The following CAVIN1 variants were observed in gnomAD, a reference collection of about 807,000 sequenced individuals.
CAVIN1 encodes the protein caveolae-associated protein 1.
CAVIN1 carries 16 observed loss-of-function variants against 24.0 expected under a neutral mutation model. The ratio of observed to expected loss-of-function variants is 0.67; its 90% CI spans 0.45 to 1.01. CAVIN1 has a LOEUF of 1.01. CAVIN1 is among the 50% of genes least tolerant of loss of function. CAVIN1 has a pLI of 0.00. For synonymous variants in CAVIN1, 256 were observed against 256.4 expected, an observed-to-expected ratio of 1.00 and a Z score of 0.02; for missense variants, 510 against 551.7, an observed-to-expected ratio of 0.92 and a Z score of 0.76.
rs1264516505 is a variant in CAVIN1, at chr17:42,402,896, C to CTCGTGTCTTGAGAACCTGG, written c.*1772_*1790dup. On this transcript the variant is annotated 3_prime_UTR_variant, in exon 2 of 2. Transcript: ENST00000357037. ...CCTTTAATGGGGAGGAACAAGGGGA[C>CTCGTGTCTTGAGAACCTGG]TCGTGTCTTGAGAACCTGGTCGTGT... 1 of 152,142 alleles carries CTCGTGTCTTGAGAACCTGG rather than the reference C, an allele frequency of 6.6e-6. No homozygotes were observed. Among genetic ancestry groups the CTCGTGTCTTGAGAACCTGG allele is most frequent in the Non-Finnish European group, 1.5e-5 (1 of 68,074 alleles). 9.4% of individuals were successfully genotyped at this position (152,142 alleles called of 1,614,324 possible). A position where few individuals can be genotyped will look rare whatever the true frequency, so the allele number is the denominator to read the frequency against.
At chr17:42,409,486 C>T (rs1454283182) in intron 1 of CAVIN1, among the ~76,000 whole-genome samples, 3 of 152,086 alleles carry the variant, frequency 2.0e-5, no homozygotes, top group Non-Finnish European at 4.4e-5. Context: ...GTAGGCTTCC[C>T]CTGGAGTGAC....
At chr17:42,413,121 T>C (rs1200945405) in intron 1 of CAVIN1, among the ~76,000 whole-genome samples, 2 of 147,078 alleles carry the variant, frequency 1.4e-5, no homozygotes, top group South Asian at 2.2e-4. Context: ...TTAGCAGAGA[T>C]AGGGTTTCAC....
intron 1 of CAVIN1, among the ~76,000 whole-genome samples, chr17:42,417,423 C>A (rs556632451): frequency 6.0e-4 from 87 of 145,786 alleles, no homozygotes; most frequent in African/African-American, 2.0e-3. Flanking sequence ...TGTGCCACTG[C>A]ACTCTAGCCT....
chr17:42,412,554 C>T (rs368486739), intron 1 of CAVIN1, among the ~76,000 whole-genome samples: 207 of 86,644 alleles, frequency 2.4e-3, no homozygotes, highest in African/African-American at 7.2e-3. Flanking sequence ...CCATCAAACC[C>T]GGCTAATTTT....
intron 1 of CAVIN1, among the ~76,000 whole-genome samples, chr17:42,420,340 C>T (rs1173200354): frequency 6.6e-6 from 1 of 152,234 alleles, no homozygotes; most frequent in Non-Finnish European, 1.5e-5. Flanking sequence ...CTGCAGACCT[C>T]TGGGAGGAGC....
At chr17:42,408,025 T>C (rs1211323409) in intron 1 of CAVIN1, among the ~76,000 whole-genome samples, 1 of 151,772 alleles carries the variant, frequency 6.6e-6, no homozygotes, top group African/African-American at 2.4e-5. Flanking sequence ...CCAGTATATA[T>C]ATATATTAAA....
Position 42,404,268 on chromosome 17 carries a change from T to G in CAVIN1, c.*419A>C. The G allele has an allele frequency of 6.3e-6, 1 of 158,916 alleles. No homozygotes were observed. Among genetic ancestry groups the G allele is most frequent in the African/African-American group, 2.4e-5 (1 of 41,800 alleles). The allele number at this position is 158,916 out of a possible 1,614,324, so 9.8% of individuals were successfully genotyped here. A position where few individuals can be genotyped will look rare whatever the true frequency, so the allele number is the denominator to read the frequency against. ...GATTCAATCTTTCCTCTTTGGGCAG[T>G]TTTGGCTTTGAGTCCCCCAGGGATC... On this transcript the variant is annotated 3_prime_UTR_variant, in exon 2 of 2. Transcript: ENST00000357037.
At chr17:42,409,169 C>T (rs2085462188) in intron 1 of CAVIN1, among the ~76,000 whole-genome samples, 1 of 151,800 alleles carries the variant, frequency 6.6e-6, no homozygotes, top group African/African-American at 2.4e-5. Context: ...GGCATGATTA[C>T]AGGTCACTAC....
At chr17:42,416,872 C>T (rs1405074212) in intron 1 of CAVIN1, among the ~76,000 whole-genome samples, 1 of 152,084 alleles carries the variant, frequency 6.6e-6, no homozygotes, top group African/African-American at 2.4e-5. Flanking sequence ...TGCGTTGAAT[C>T]CAGGAAAGAG....
At chr17:42,414,505 C>A (rs918737292) in intron 1 of CAVIN1, among the ~76,000 whole-genome samples, 2 of 151,948 alleles carry the variant, frequency 1.3e-5, no homozygotes, top group Non-Finnish European at 2.9e-5. Context: ...TATTGAGTAG[C>A]TGGGACTACA....
rs1445042407 is a variant in CAVIN1, at chr17:42,404,825, G to A, written c.1035C>T (p.Gly345=). The change falls in exon 2 of 2, where the codon GGC becomes GGT. Residue 345 remains glycine (G), a synonymous_variant. Coordinates refer to ENST00000357037, the MANE Select transcript of CAVIN1 (RefSeq NM_012232.6). The part of the protein sequence containing the change: ...VLKATEMVEV[G]ADDDEGGAER... Reference sequence around the variant, plus strand: ...CCGCGCCGCCCTCGTCGTCGTCGGCGCCCACCTCCACCATCTCGGTGGCCT... The same window carrying A: ...CCGCGCCGCCCTCGTCGTCGTCGGCACCCACCTCCACCATCTCGGTGGCCT... 1.2e-6 allele frequency: 2 copies of A among 1,612,624 alleles called. No homozygotes were observed. The highest frequency in any genetic ancestry group is 1.7e-6 in the Non-Finnish European group (2 of 1,179,338).
intron 1 of CAVIN1, among the ~76,000 whole-genome samples, chr17:42,406,945 C>G (rs955759043): frequency 1.3e-5 from 2 of 152,150 alleles, no homozygotes; most frequent in Admixed American, 6.5e-5. Flanking sequence ...TTCCCTACCC[C>G]CTGCCCCCAG....
At position 42,423,078 on chromosome 17, in the gene CAVIN1, T is replaced by C. The variant is rs781422093; in HGVS notation, c.20A>G (p.Tyr7Cys). ...CCCGGGAAGCGGCCGCTCGACAATATAGAGCGTGGGGTCCTCCATGGCTAC... is the reference window on the plus strand; with the variant it reads ...CCCGGGAAGCGGCCGCTCGACAATACAGAGCGTGGGGTCCTCCATGGCTAC... Reference protein sequence around the residue: MEDPTLYIVERPLPGYP... With the variant: MEDPTLCIVERPLPGYP... The change falls in exon 1 of 2, where the codon TAT (tyrosine) becomes TGT (cysteine). Residue 7 changes from tyrosine (Y) to cysteine (C), a missense_variant. Transcript: ENST00000357037. 1.3e-6 allele frequency: 2 copies of C among 1,593,978 alleles called. No homozygotes were observed. The highest frequency in any genetic ancestry group is 1.7e-6 in the Non-Finnish European group (2 of 1,170,866).
chr17:42,417,426 T>G (rs2085518508), intron 1 of CAVIN1, among the ~76,000 whole-genome samples: 1 of 142,836 alleles, frequency 7.0e-6, no homozygotes, highest in Non-Finnish European at 1.5e-5. Flanking sequence ...GCCACTGCAC[T>G]CTAGCCTGAG....
At chr17:42,409,172 G>A (rs1017646985) in intron 1 of CAVIN1, among the ~76,000 whole-genome samples, 1 of 150,742 alleles carries the variant, frequency 6.6e-6, no homozygotes, top group Admixed American at 6.6e-5. Flanking sequence ...ATGATTACAG[G>A]TCACTACAGC....
At chr17:42,406,319 C>T (rs1308650295) in intron 1 of CAVIN1, among the ~76,000 whole-genome samples, 1 of 151,708 alleles carries the variant, frequency 6.6e-6, no homozygotes, top group East Asian at 1.9e-4. Flanking sequence ...ACAGCTGCAC[C>T]TACCCACCCA....
intron 1 of CAVIN1, chr17:42,411,418 GT>G: frequency 1.0e-6 from 1 of 984,992 alleles, no homozygotes; most frequent in Non-Finnish European, 1.2e-6. Flanking sequence ...TTTTTTTTAA[GT>G]TGAGAAACAC....
At chr17:42,421,999 G>T (rs1277566416) in intron 1 of CAVIN1, among the ~76,000 whole-genome samples, 1 of 152,220 alleles carries the variant, frequency 6.6e-6, no homozygotes, top group African/African-American at 2.4e-5. Flanking sequence ...CTGGTGGCCA[G>T]GAGCAGAGAG....
intron 1 of CAVIN1, among the ~76,000 whole-genome samples, chr17:42,407,248 C>T (rs896614238): frequency 1.2e-4 from 18 of 152,042 alleles, no homozygotes; most frequent in African/African-American, 4.3e-4. Flanking sequence ...GCCCAGACTC[C>T]CTTTAGTGAC....
Sources: allele counts gnomAD v4.1 joint callset (sites outside exome capture counted in the v4.1 genomes callset), GRCh38; gene constraint gnomAD v4.1.1; transcripts MANE v1.5; gene names NCBI Gene and HGNC (gene_info 2026-07-23, HGNC 2026-07-21).